The following GRM7 variants were observed in gnomAD, a reference collection of about 807,000 sequenced individuals.
GRM7 encodes metabotropic glutamate receptor 7.
Under a neutral mutation model 84.5 loss-of-function variants are expected in GRM7, and 35 were observed. That is an observed-to-expected ratio of 0.41 (90% CI 0.32 to 0.55). The LOEUF (loss-of-function observed/expected upper bound fraction) is 0.55, where lower values mean the gene tolerates loss of function less well. GRM7 is among the 20% of genes least tolerant of loss of function. The probability of loss-of-function intolerance (pLI) is 0.19; values close to 1 mark genes in which losing one functional copy is unlikely to be tolerated. For synonymous variants in GRM7, 487 were observed against 455.1 expected (o/e 1.07, Z -0.89); for missense variants, 1,003 against 1,194.6 (o/e 0.84, Z 2.36).
intron 7 of GRM7, among the ~76,000 whole-genome samples, chr3:7,516,210 G>T (rs1435589303): frequency 7.2e-6 from 1 of 139,574 alleles, no homozygotes; most frequent in South Asian, 2.4e-4. Flanking sequence ...GGTGGCTCAC[G>T]CCTGTAATCC....
intron 4 of GRM7, among the ~76,000 whole-genome samples, chr3:7,313,729 A>G (rs868194558): frequency 7.9e-5 from 12 of 152,194 alleles, no homozygotes; most frequent in Non-Finnish European, 1.2e-4. Flanking sequence ...CACAGGAAAT[A>G]ATATTTTGGT....
chr3:7,181,453 C>T (rs151216382), intron 2 of GRM7, among the ~76,000 whole-genome samples: 228 of 152,050 alleles, frequency 1.5e-3, no homozygotes, highest in African/African-American at 5.3e-3. Context: ...TGTTAGTATT[C>T]CATATTCTCA....
chr3:7,284,239 T>A (rs539543168), intron 2 of GRM7, among the ~76,000 whole-genome samples: 1 of 151,700 alleles, frequency 6.6e-6, no homozygotes, highest in East Asian at 1.9e-4. Context: ...AGTACCAGAG[T>A]GTTTGGCTTC....
intron 7 of GRM7, among the ~76,000 whole-genome samples, chr3:7,491,072 A>T (rs1699500645): frequency 6.6e-6 from 1 of 152,046 alleles, no homozygotes; most frequent in South Asian, 2.1e-4. Flanking sequence ...ATGTATACAA[A>T]TAAAAACATT....
intron 7 of GRM7, among the ~76,000 whole-genome samples, chr3:7,489,886 A>G (rs1291837495): frequency 6.6e-6 from 1 of 151,750 alleles, no homozygotes; most frequent in Non-Finnish European, 1.5e-5. Context: ...CATATAACAG[A>G]TTCATTAATT....
At chr3:7,445,920 G>C (rs1263842389) in intron 5 of GRM7, among the ~76,000 whole-genome samples, 1 of 152,014 alleles carries the variant, frequency 6.6e-6, no homozygotes, top group Non-Finnish European at 1.5e-5. Context: ...AACACTCCAG[G>C]ATATTCACCC....
chr3:7,584,428 G>A (rs1048717081), intron 8 of GRM7, among the ~76,000 whole-genome samples: 5 of 152,124 alleles, frequency 3.3e-5, no homozygotes, highest in African/African-American at 7.2e-5. Context: ...TTAATGCAAT[G>A]CCACCACCCT....
intron 8 of GRM7, among the ~76,000 whole-genome samples, chr3:7,649,235 A>C: frequency 6.6e-6 from 1 of 151,826 alleles, no homozygotes; most frequent in Non-Finnish European, 1.5e-5. Context: ...ACGCCCGGCT[A>C]ATTTTATGTA....
Position 7,435,997 on chromosome 3 carries a change from C to T in GRM7, c.1175-16610C>T, listed in dbSNP as rs1240686333. On this transcript the variant is annotated intron_variant, in intron 5 of 9. Transcript: ENST00000357716. ...GATTACAGGCGTGAGCCACCAGGCC[C>T]AGCCATGCCCGACTAATTTTTGTAT... 2.0e-5 allele frequency among the ~76,000 whole-genome samples: 3 copies of T among 151,236 alleles called. No homozygotes were observed. In the East Asian group the frequency reaches 5.9e-4, roughly 30 times the overall value.
intron 1 of GRM7, among the ~76,000 whole-genome samples, chr3:7,095,796 C>T (rs1045567041): frequency 6.6e-6 from 1 of 151,990 alleles, no homozygotes; most frequent in African/African-American, 2.4e-5. Context: ...AATTTCTTCA[C>T]CAACTCTTAT....
intron 4 of GRM7, among the ~76,000 whole-genome samples, chr3:7,409,273 C>CTAGGCA (rs1203399679): frequency 1.4e-4 from 22 of 152,050 alleles, no homozygotes; most frequent in Non-Finnish European, 3.2e-4. Context: ...TTGTCTATCT[C>CTAGGCA]TAGGCAAGAA....
intron 2 of GRM7, among the ~76,000 whole-genome samples, chr3:7,147,863 A>G (rs1288153504): frequency 2.0e-5 from 3 of 152,164 alleles, no homozygotes; most frequent in Non-Finnish European, 2.9e-5. Context: ...TCTGGGTTAA[A>G]ATGCAACACT....
At chr3:6,891,461 G>A (rs904508363) in intron 1 of GRM7, among the ~76,000 whole-genome samples, 1 of 152,156 alleles carries the variant, frequency 6.6e-6, no homozygotes, top group Admixed American at 6.5e-5. Context: ...TTGCTTGTCT[G>A]TAAAGTATTT....
intron 1 of GRM7, among the ~76,000 whole-genome samples, chr3:6,964,720 A>G (rs1387749101): frequency 6.6e-6 from 1 of 152,202 alleles, no homozygotes; most frequent in Non-Finnish European, 1.5e-5. Context: ...TCAGATGACC[A>G]TCCATTTTGA....
intron 1 of GRM7, among the ~76,000 whole-genome samples, chr3:6,906,210 T>C (rs1052994443): frequency 3.3e-5 from 5 of 152,158 alleles, no homozygotes; most frequent in Non-Finnish European, 7.3e-5. Flanking sequence ...GATTCATGTA[T>C]AATATCGTTA....
At chr3:7,471,460 T>C (rs1559346205) in intron 7 of GRM7, among the ~76,000 whole-genome samples, 1 of 152,186 alleles carries the variant, frequency 6.6e-6, no homozygotes, top group Non-Finnish European at 1.5e-5. Flanking sequence ...GGTGGGTGGA[T>C]CCCAGCTTCT....
chr3:6,937,665 T>G (rs976640280), intron 1 of GRM7, among the ~76,000 whole-genome samples: 1 of 152,208 alleles, frequency 6.6e-6, no homozygotes, highest in African/African-American at 2.4e-5. Flanking sequence ...ATGTCTGTGA[T>G]TTGCTTACAG....
At chr3:7,426,238 G>A (rs1696606143) in intron 5 of GRM7, among the ~76,000 whole-genome samples, 1 of 151,926 alleles carries the variant, frequency 6.6e-6, no homozygotes, top group Non-Finnish European at 1.5e-5. Context: ...TCTTGCCTCA[G>A]CCTCCCGAGT....
chr3:6,863,079 T>C lies in GRM7; in HGVS notation c.519+1172T>C. The C allele has an allele frequency of 2.3e-6, 1 of 441,172 alleles. No homozygotes were observed. The highest frequency in any genetic ancestry group is 4.5e-6 in the Non-Finnish European group (1 of 221,528). 27.3% of individuals were successfully genotyped at this position (441,172 alleles called of 1,614,324 possible). A position where few individuals can be genotyped will look rare whatever the true frequency, so the allele number is the denominator to read the frequency against. ...TTGTAGGTTCCCTCCTCTGTGTCTTTCCCTATATGTGCATCACTCTCTCTT... is the reference window on the plus strand; with the variant it reads ...TTGTAGGTTCCCTCCTCTGTGTCTTCCCCTATATGTGCATCACTCTCTCTT... On this transcript the variant is annotated intron_variant, in intron 1 of 9. Transcript: ENST00000357716. The surrounding 1 kb of genome is among the most constrained non-coding windows in gnomAD (Gnocchi z 4.8).
Sources: gnomAD v4.1 joint callset for allele counts (sites outside exome capture counted in the v4.1 genomes callset) on GRCh38, gnomAD v4.1.1 for gene constraint, Gnocchi (gnomAD v3.1) non-coding constraint, MANE v1.5 for transcripts, NCBI Gene and HGNC (gene_info 2026-07-23, HGNC 2026-07-21) for gene names.